NRXN1: variants seen among roughly 807,000 people sequenced by gnomAD.
NRXN1 encodes neurexin 1.
In NRXN1, 39 loss-of-function variants were observed where a neutral mutation model predicts 150.9. That is an observed-to-expected ratio of 0.26 (90% CI 0.20 to 0.34). The LOEUF is 0.34. Ranked by LOEUF, NRXN1 falls within the 10% of genes least tolerant of loss-of-function variation. NRXN1 has a pLI of 1.00. For synonymous variants in NRXN1, 924 were observed against 757.0 expected (o/e 1.22, Z -3.62); for missense variants, 1,815 against 1,949.9 (o/e 0.93, Z 1.30).
intron 5 of NRXN1, among the ~76,000 whole-genome samples, chr2:50,878,245 TCA>T: frequency 6.6e-6 from 1 of 151,970 alleles, no homozygotes. Flanking sequence ...TTTACTTGCT[TCA>T]CAGTTTTCTT....
intron 15 of NRXN1, among the ~76,000 whole-genome samples, chr2:50,495,075 T>A (rs2091487901): frequency 6.6e-6 from 1 of 151,924 alleles, no homozygotes; most frequent in African/African-American, 2.4e-5. Flanking sequence ...CTTTCCAGTT[T>A]CCTAACTCCC....
intron 21 of NRXN1, among the ~76,000 whole-genome samples, chr2:50,024,894 G>A (rs1318064640): frequency 6.6e-6 from 1 of 152,048 alleles, no homozygotes; most frequent in African/African-American, 2.4e-5. Context: ...GGGATTACAG[G>A]CGTGAGCTAC....
intron 18 of NRXN1, among the ~76,000 whole-genome samples, chr2:50,107,499 C>T (rs1336351152): frequency 6.9e-6 from 1 of 144,768 alleles, no homozygotes; most frequent in East Asian, 2.0e-4. Context: ...CAATTATTGT[C>T]ACATGCTACA....
At chr2:50,793,979 C>T (rs1706429511) in intron 5 of NRXN1, among the ~76,000 whole-genome samples, 2 of 152,044 alleles carry the variant, frequency 1.3e-5, no homozygotes, top group South Asian at 2.1e-4. Flanking sequence ...TTGTTTGTTA[C>T]AAGTGGAGTG....
chr2:50,624,699 A>G (rs1680692311), intron 5 of NRXN1: 3 of 152,066 alleles, frequency 2.0e-5, no homozygotes. Context: ...GGTGTAGTTA[A>G]GCAGATGGTA....
At chr2:50,827,348 TG>T (rs1670597433) in intron 5 of NRXN1, among the ~76,000 whole-genome samples, 1 of 152,224 alleles carries the variant, frequency 6.6e-6, no homozygotes, top group Non-Finnish European at 1.5e-5. Flanking sequence ...GTTAGTTTTT[TG>T]AAGCTGTGAA....
rs1263217530 is a variant in NRXN1, at chr2:50,210,226, T to C, written c.3546+26563A>G. ...ATCTTAAAAGTGTTTTAATGAAGAT[T>C]TGAATATTAAGAATTCATTATAAAA... On this transcript the variant is annotated intron_variant, in intron 18 of 22. Transcript: ENST00000401669. Among the ~76,000 whole-genome samples the C allele has an allele frequency of 3.3e-5, 5 of 152,100 alleles. No individual in the cohort carries two copies. In the East Asian group the frequency reaches 7.7e-4, roughly 24 times the overall value.
chr2:49,934,254 T>TAAGTC (rs1670628166), intron 22 of NRXN1, among the ~76,000 whole-genome samples: 1 of 152,178 alleles, frequency 6.6e-6, no homozygotes, highest in South Asian at 2.1e-4. Flanking sequence ...CTAAAATTGT[T>TAAGTC]AAGTCAATTT....
chr2:50,124,974 CAG>C (rs1363341053), intron 18 of NRXN1, among the ~76,000 whole-genome samples: 1 of 151,920 alleles, frequency 6.6e-6, no homozygotes, highest in Non-Finnish European at 1.5e-5. Context: ...AAGGAATAGT[CAG>C]AACTCATTTG....
intron 8 of NRXN1, among the ~76,000 whole-genome samples, chr2:50,561,766 G>A (rs1415797667): frequency 1.3e-5 from 2 of 151,846 alleles, no homozygotes; most frequent in Non-Finnish European, 2.9e-5. Flanking sequence ...AGTCCTGAGG[G>A]GGTAAAAATT....
chr2:51,030,482 A>T (rs1247695552), intron 1 of NRXN1, among the ~76,000 whole-genome samples: 2 of 151,442 alleles, frequency 1.3e-5, no homozygotes, highest in African/African-American at 4.9e-5. Context: ...AAGCTAGGGT[A>T]TCCCACTTCA....
intron 17 of NRXN1, among the ~76,000 whole-genome samples, chr2:50,401,107 G>C (rs1264614548): frequency 3.3e-5 from 5 of 152,148 alleles, no homozygotes; most frequent in Admixed American, 6.6e-5. Flanking sequence ...GATTTTCTCG[G>C]ATATTTTTGG....
In NRXN1 at chr2:50,019,947, C is replaced by CAAAAAAAAAAAA. The variant is rs1161865745; in HGVS notation, c.4128+33312_4128+33323dup. 2.3e-3 allele frequency among the ~76,000 whole-genome samples: 98 copies of CAAAAAAAAAAAA among 43,334 alleles called. 6 individuals carry two copies. The highest frequency in any genetic ancestry group is 5.7e-3 in the East Asian group (6 of 1,054). 28.4% of individuals were successfully genotyped at this position (43,334 alleles called of 152,430 possible). On this transcript the variant is annotated intron_variant, in intron 21 of 22. Coordinates refer to ENST00000401669, the MANE Select transcript of NRXN1 (RefSeq NM_001330078.2). ...TGGGTGACAAAGCAAGACTCCGTCT[C>CAAAAAAAAAAAA]AAAAAAAAAAAAAAAAAAAAAAAAA...
chr2:50,032,483 T>C (rs1689322640), intron 21 of NRXN1, among the ~76,000 whole-genome samples: 2 of 152,060 alleles, frequency 1.3e-5, no homozygotes, highest in Non-Finnish European at 1.5e-5. Context: ...AAAGGAAATA[T>C]GGTTAGATCA....
At chr2:50,528,519 A>T in intron 12 of NRXN1, 106 bp downstream of exon 12, 2 of 698,486 alleles carry the variant, frequency 2.9e-6, no homozygotes. Context: ...AAGTGAGCTC[A>T]TGAGTTTTAT....
At chr2:50,245,113 T>C (rs140370150) in intron 17 of NRXN1, among the ~76,000 whole-genome samples, 76 of 152,090 alleles carry the variant, frequency 5.0e-4, no homozygotes, top group African/African-American at 1.7e-3. Flanking sequence ...ATTATTTTCC[T>C]GGCAAATGTG....
At chr2:50,530,984 T>G (rs540863617) in intron 11 of NRXN1, among the ~76,000 whole-genome samples, 18 of 152,284 alleles carry the variant, frequency 1.2e-4, no homozygotes, top group African/African-American at 4.3e-4. Flanking sequence ...CTGACAGACA[T>G]GGCCTCTCTT....
At chr2:50,725,760 T>C (rs1697277693) in intron 5 of NRXN1, among the ~76,000 whole-genome samples, 1 of 152,196 alleles carries the variant, frequency 6.6e-6, no homozygotes, top group East Asian at 1.9e-4. Flanking sequence ...AGATAGACTT[T>C]ATTTTTTCAG....
At chr2:50,253,023 T>C (rs2067310873) in intron 17 of NRXN1, among the ~76,000 whole-genome samples, 1 of 152,212 alleles carries the variant, frequency 6.6e-6, no homozygotes. Context: ...TTTCATGATA[T>C]TGATTCTTCC....
Sources: gnomAD v4.1 joint callset for allele counts (sites outside exome capture counted in the v4.1 genomes callset) on GRCh38, gnomAD v4.1.1 for gene constraint, MANE v1.5 for transcripts, NCBI Gene and HGNC (gene_info 2026-07-23, HGNC 2026-07-21) for gene names.